STIM1: variants seen among roughly 807,000 people sequenced by gnomAD.
The protein encoded by STIM1 is stromal interaction molecule 1.
Under a neutral mutation model 74.7 loss-of-function variants are expected in STIM1, and 25 were observed. That is an observed-to-expected ratio of 0.33 (90% CI 0.24 to 0.47). The LOEUF is 0.47. Among genes scored for constraint, STIM1 ranks in the 20% least tolerant of loss-of-function variants. STIM1 has a pLI of 1.00. For synonymous variants in STIM1, 328 were observed against 348.8 expected, an observed-to-expected ratio of 0.94 and a Z score of 0.66; for missense variants, 728 against 920.8, an observed-to-expected ratio of 0.79 and a Z score of 2.71.
At chr11:3,981,985 C>T (rs576778477) in intron 2 of STIM1, among the ~76,000 whole-genome samples, 2 of 152,226 alleles carry the variant, frequency 1.3e-5, no homozygotes, top group East Asian at 3.9e-4. Flanking sequence ...TTCTCTCTCT[C>T]TCTGTCTCTT....
At chr11:3,920,894 C>G (rs2092708783) in intron 1 of STIM1, among the ~76,000 whole-genome samples, 1 of 151,114 alleles carries the variant, frequency 6.6e-6, no homozygotes, top group Non-Finnish European at 1.5e-5. Flanking sequence ...CTTCTGGGTT[C>G]AAGTGATTCT....
At chr11:3,876,380 T>A (rs2091307276) in intron 1 of STIM1, among the ~76,000 whole-genome samples, 1 of 152,158 alleles carries the variant, frequency 6.6e-6, no homozygotes, top group Non-Finnish European at 1.5e-5. Context: ...GAGGAATTCC[T>A]GTGAGTTGAG....
At chr11:4,089,259 T>A (rs1409348676) in intron 12 of STIM1, among the ~76,000 whole-genome samples, 1 of 152,116 alleles carries the variant, frequency 6.6e-6, no homozygotes, top group East Asian at 1.9e-4. Context: ...GGAATCAAGA[T>A]GAAATAGGGG....
chr11:4,082,792 G>C, intron 8 of STIM1, 90 bp from the exon 9 acceptor site: 1 of 1,004,480 alleles, frequency 1.0e-6, no homozygotes, highest in Admixed American at 1.8e-5. Context: ...GTGCTAGGAG[G>C]AGTGGGCCCC....
chr11:3,987,119 G>A (rs567213927), intron 2 of STIM1, among the ~76,000 whole-genome samples: 1 of 151,436 alleles, frequency 6.6e-6, no homozygotes, highest in Admixed American at 6.6e-5. Context: ...TTTATCCTCA[G>A]ACACTAGGTT....
chr11:3,868,171 G>A, intron 1 of STIM1: 1 of 128,860 alleles, frequency 7.8e-6, no homozygotes, highest in East Asian at 2.3e-4. Context: ...TGGAGGTCTT[G>A]TTTCAAGAAA....
chr11:3,980,610 TA>T (rs34722747), intron 2 of STIM1, among the ~76,000 whole-genome samples: 94,387 of 126,470 alleles, frequency 0.75, 35,357 homozygotes, highest in East Asian at 0.89. Flanking sequence ...CCCATCTCTT[TA>T]AAAAAAAAAA....
chr11:3,855,552 C>A (rs2090329387), upstream of STIM1: 1 of 144,868 alleles, frequency 6.9e-6, no homozygotes, highest in African/African-American at 2.5e-5. Flanking sequence ...CGGGATCCAG[C>A]TGGGCGCTGG....
At chr11:3,960,533 A>T (rs923607340) in intron 1 of STIM1, among the ~76,000 whole-genome samples, 1 of 152,234 alleles carries the variant, frequency 6.6e-6, no homozygotes, top group African/African-American at 2.4e-5. Context: ...AAAGTCATGC[A>T]TGTATTAAAG....
At chr11:4,007,493 G>T (rs1265230274) in intron 2 of STIM1, among the ~76,000 whole-genome samples, 37 of 152,126 alleles carry the variant, frequency 2.4e-4, no homozygotes, top group Admixed American at 2.4e-3. Context: ...ATATTCTTGG[G>T]TGCTAGTACC....
At chr11:4,001,913 C>T (rs1455487417) in intron 2 of STIM1, among the ~76,000 whole-genome samples, 1 of 133,980 alleles carries the variant, frequency 7.5e-6, no homozygotes, top group African/African-American at 2.8e-5. Context: ...AAATGGAAAA[C>T]AAAAAAAGGC....
intron 2 of STIM1, among the ~76,000 whole-genome samples, chr11:4,013,828 C>T (rs997345984): frequency 6.6e-5 from 10 of 151,080 alleles, no homozygotes; most frequent in African/African-American, 2.2e-4. Flanking sequence ...CCTCCGCCTC[C>T]CGAGTAGCTG....
At chr11:3,883,229 C>T (rs188668008) in intron 1 of STIM1, among the ~76,000 whole-genome samples, 38 of 152,222 alleles carry the variant, frequency 2.5e-4, no homozygotes, top group Admixed American at 6.5e-4. Context: ...TATAATTGTT[C>T]CTCAAGACTC....
chr11:4,034,564 C>T (rs1177736771), intron 3 of STIM1, among the ~76,000 whole-genome samples: 1 of 152,068 alleles, frequency 6.6e-6, no homozygotes, highest in Non-Finnish European at 1.5e-5. Context: ...TGTCTTTGTT[C>T]ATGAAGGATA....
intron 6 of STIM1, among the ~76,000 whole-genome samples, chr11:4,074,149 A>G (rs1241041400): frequency 6.6e-6 from 1 of 152,234 alleles, no homozygotes; most frequent in East Asian, 1.9e-4. Context: ...TCCCAGGCTG[A>G]TAATGATACC....
chr11:4,065,585 C>T (rs1048710568), intron 5 of STIM1, among the ~76,000 whole-genome samples: 2 of 151,942 alleles, frequency 1.3e-5, no homozygotes, highest in African/African-American at 4.8e-5. Context: ...AAGATCTAGC[C>T]AGAATTAAGT....
intron 1 of STIM1, among the ~76,000 whole-genome samples, chr11:3,889,624 A>C (rs960525289): frequency 6.6e-6 from 1 of 152,122 alleles, no homozygotes; most frequent in Non-Finnish European, 1.5e-5. Flanking sequence ...AATGTTATTG[A>C]TATCTTTGAG....
intron 11 of STIM1, 67 bp from the exon 12 acceptor site, chr11:4,086,410 G>A (rs1161995570): frequency 6.3e-7 from 1 of 1,578,614 alleles, no homozygotes. Context: ...TTATTCATGG[G>A]CACCTCCTTA....
rs1343554051 is a variant in STIM1, at chr11:3,895,610, CTTTCTTTCTTTCTTTCTTTCTT to C, written c.139+39203_139+39224del. Reference sequence around the variant, plus strand: ...GGAATAGTGTTCTTTCTTTCTCTCTCTTTCTTTCTTTCTTTCTTTCTTTCTTTCTTTCTTTCTTTCTTTCTTT... The same window carrying C: ...GGAATAGTGTTCTTTCTTTCTCTCTCTCTTTCTTTCTTTCTTTCTTTCTTT... On this transcript the variant is annotated intron_variant, in intron 1 of 12. Coordinates refer to ENST00000526596, the MANE Select transcript of STIM1 (RefSeq NM_001382567.1). 1.7e-3 allele frequency among the ~76,000 whole-genome samples: 66 copies of C among 39,910 alleles called. 2 individuals carry two copies. Among genetic ancestry groups the C allele is most frequent in the East Asian group, 8.4e-3 (11 of 1,304 alleles). 26.2% of individuals were successfully genotyped at this position (39,910 alleles called of 152,430 possible).
Sources: gnomAD v4.1 joint callset for allele counts (sites outside exome capture counted in the v4.1 genomes callset) on GRCh38, gnomAD v4.1.1 for gene constraint, MANE v1.5 for transcripts, NCBI Gene and HGNC (gene_info 2026-07-23, HGNC 2026-07-21) for gene names.